Variants in CPEB3 observed in about 807,000 individuals in gnomAD.
CPEB3 encodes cytoplasmic polyadenylation element binding protein 3, also known as cytoplasmic polyadenylation element-binding protein 3.
In CPEB3, 20 loss-of-function variants were observed where a neutral mutation model predicts 67.2. The observed-to-expected ratio is 0.30, with a 90% CI of 0.21 to 0.43. The LOEUF is 0.43. Among genes scored for constraint, CPEB3 ranks in the 20% least tolerant of loss-of-function variants. The pLI, the probability that CPEB3 is intolerant of heterozygous loss-of-function variation, is 1.00. For missense variants in CPEB3, 746 were observed against 968.6 expected, an observed-to-expected ratio of 0.77 and a Z score of 3.05; for synonymous variants, 376 against 393.1, an observed-to-expected ratio of 0.96 and a Z score of 0.51.
chr10:92,276,977 A>G (rs12257477), intron 1 of CPEB3, among the ~76,000 whole-genome samples: 1,698 of 152,350 alleles, frequency 0.011, 29 homozygotes, highest in African/African-American at 0.037. Context: ...GGCCATTTAT[A>G]TACCTTCTTT....
chr10:92,206,274 T>C (rs189689208), intron 2 of CPEB3, among the ~76,000 whole-genome samples: 1 of 152,030 alleles, frequency 6.6e-6, no homozygotes, highest in Non-Finnish European at 1.5e-5. Context: ...GATTTCGGCA[T>C]GTTGGTCAGG....
intron 2 of CPEB3, among the ~76,000 whole-genome samples, chr10:92,229,900 G>T (rs1851182892): frequency 6.6e-6 from 1 of 152,150 alleles, no homozygotes; most frequent in African/African-American, 2.4e-5. Context: ...CACAAAATTA[G>T]CAGGGCATGG....
intron 6 of CPEB3, among the ~76,000 whole-genome samples, chr10:92,119,559 C>T (rs1331443475): frequency 6.6e-6 from 1 of 152,134 alleles, no homozygotes; most frequent in Admixed American, 6.5e-5. Context: ...GTTTGGGTCC[C>T]ACTGCCTGTG....
At chr10:92,222,102 T>TATTGG (rs1850731161) in intron 2 of CPEB3, among the ~76,000 whole-genome samples, 1 of 152,132 alleles carries the variant, frequency 6.6e-6, no homozygotes, top group African/African-American at 2.4e-5. Context: ...CCACAGCACA[T>TATTGG]TCAACAGCCG....
chr10:92,252,931 C>CTT (rs35185549), intron 1 of CPEB3, among the ~76,000 whole-genome samples: 26 of 149,018 alleles, frequency 1.7e-4, no homozygotes, highest in Non-Finnish European at 2.5e-4. Context: ...CTTAAAGTTC[C>CTT]TTTTTTTTTT....
rs554501862 is a variant in CPEB3, at chr10:92,061,111, C to T, written c.1870-8672G>A. Reference sequence around the variant, plus strand: ...CACAATAGCTAAAATTTGGAAGCAACCTAAGTGTCCATCAACAGATGAATG... The same window carrying T: ...CACAATAGCTAAAATTTGGAAGCAATCTAAGTGTCCATCAACAGATGAATG... On this transcript the variant is annotated intron_variant, in intron 9 of 9. Transcript: ENST00000265997. Among the ~76,000 whole-genome samples, 4 of 152,240 alleles carry T rather than the reference C, an allele frequency of 2.6e-5. No homozygotes were observed. The South Asian group carries it at 8.3e-4, about 32-fold the overall frequency.
intron 9 of CPEB3, 149 bp downstream of exon 9, chr10:92,081,171 T>C: frequency 1.2e-6 from 1 of 816,698 alleles, no homozygotes; most frequent in Non-Finnish European, 2.0e-6. Flanking sequence ...CAGTGCTCTC[T>C]TTTTCAGGCA....
chr10:92,059,459 C>T (rs1842254892), intron 9 of CPEB3, among the ~76,000 whole-genome samples: 1 of 151,496 alleles, frequency 6.6e-6, no homozygotes, highest in Admixed American at 6.6e-5. Context: ...ACACAACATA[C>T]CAAAACCTAT....
intron 1 of CPEB3, among the ~76,000 whole-genome samples, chr10:92,289,219 G>A (rs1185239294): frequency 6.6e-6 from 1 of 152,298 alleles, no homozygotes; most frequent in Non-Finnish European, 1.5e-5. Flanking sequence ...TCCATCCTGA[G>A]CAACACAGCG....
chr10:92,057,967 A>G (rs956604382), intron 9 of CPEB3, among the ~76,000 whole-genome samples: 4 of 152,202 alleles, frequency 2.6e-5, no homozygotes, highest in Non-Finnish European at 5.9e-5. Context: ...CCTTCCCAAG[A>G]AGGACAGGTA....
At chr10:92,106,814 C>CAAAAAAAAAA (rs531195477) in intron 7 of CPEB3, among the ~76,000 whole-genome samples, 65 of 55,970 alleles carry the variant, frequency 1.2e-3, no homozygotes, top group African/African-American at 4.8e-3. Context: ...GACTCTGTCT[C>CAAAAAAAAAA]AAAAAAAAAA....
intron 8 of CPEB3, among the ~76,000 whole-genome samples, chr10:92,088,847 C>T (rs1843490846): frequency 6.6e-6 from 1 of 152,152 alleles, no homozygotes; most frequent in African/African-American, 2.4e-5. Flanking sequence ...AATTCCATAA[C>T]TAGAATATCC....
At chr10:92,143,586 T>C (rs1476885561) in intron 5 of CPEB3, among the ~76,000 whole-genome samples, 2 of 152,198 alleles carry the variant, frequency 1.3e-5, no homozygotes, top group Admixed American at 6.5e-5. Context: ...GGTAATTCTA[T>C]TGGGTGATAA....
At chr10:92,104,682 G>C (rs150130616) in intron 7 of CPEB3, among the ~76,000 whole-genome samples, 10 of 151,736 alleles carry the variant, frequency 6.6e-5, no homozygotes, top group African/African-American at 2.4e-4. Context: ...CACCACGCCC[G>C]GCTGGAAATG....
intron 1 of CPEB3, among the ~76,000 whole-genome samples, chr10:92,266,839 G>A (rs1853080616): frequency 6.6e-6 from 1 of 152,066 alleles, no homozygotes; most frequent in Non-Finnish European, 1.5e-5. Context: ...TTCGAGACGA[G>A]CCTGGCCAAC....
chr10:92,201,373 T>C (rs545709852), intron 2 of CPEB3, among the ~76,000 whole-genome samples: 29 of 152,070 alleles, frequency 1.9e-4, no homozygotes, highest in Non-Finnish European at 3.4e-4. Context: ...ACTAACAATA[T>C]AAAAATTAGC....
chr10:92,195,852 T>C (rs1849216252), intron 2 of CPEB3, among the ~76,000 whole-genome samples: 1 of 151,982 alleles, frequency 6.6e-6, no homozygotes, highest in South Asian at 2.1e-4. Flanking sequence ...ACCTAAGGAG[T>C]ATAAAAATCT....
chr10:92,199,186 G>A (rs553187883), intron 2 of CPEB3, among the ~76,000 whole-genome samples: 1 of 151,716 alleles, frequency 6.6e-6, no homozygotes, highest in East Asian at 1.9e-4. Context: ...GAGGTCGGGA[G>A]TTCGAGACCA....
chr10:92,058,465 C>CT (rs1464568621), intron 9 of CPEB3, among the ~76,000 whole-genome samples: 2 of 152,018 alleles, frequency 1.3e-5, no homozygotes, highest in Non-Finnish European at 2.9e-5. Flanking sequence ...AGGAAAATCA[C>CT]TTAAACCCCA....
Sources: gnomAD v4.1 joint callset for allele counts (sites outside exome capture counted in the v4.1 genomes callset) on GRCh38, gnomAD v4.1.1 for gene constraint, MANE v1.5 for transcripts, NCBI Gene and HGNC (gene_info 2026-07-23, HGNC 2026-07-21) for gene names.